MTUS1: variants seen among roughly 807,000 people sequenced by gnomAD.
The protein encoded by MTUS1 is microtubule associated scaffold protein 1.
Under a neutral mutation model 120.8 loss-of-function variants are expected in MTUS1, and 109 were observed. The observed-to-expected ratio is 0.90, with a 90% confidence interval of 0.77 to 1.06. The LOEUF (loss-of-function observed/expected upper bound fraction) is 1.06, where lower values mean the gene tolerates loss of function less well. MTUS1 is among the 50% of genes least tolerant of loss of function. MTUS1 has a pLI of 0.00. For synonymous variants in MTUS1, 737 were observed against 550.5 expected (o/e 1.34, Z -4.74); for missense variants, 2,210 against 1,486.3 (o/e 1.49, Z -8.01).
chr8:17,724,593 T>C (rs184918321), intron 3 of MTUS1, among the ~76,000 whole-genome samples: 3 of 152,278 alleles, frequency 2.0e-5, no homozygotes, highest in Admixed American at 6.5e-5. Context: ...GCAGTAAAAA[T>C]GTTTCCACTT....
rs1392917249 is a variant in MTUS1 at position 17,676,349 on chromosome 8, A to T, written c.2839-1097T>A. On this transcript the variant is annotated intron_variant, in intron 7 of 14. Coordinates refer to ENST00000693296, the MANE Select transcript of MTUS1 (RefSeq NM_001363059.2). ...GCCCATTTTCCAGCTTCTGTCTCCA[A>T]GTCCCCCCACCCCTCGCACTGTGCA... 7.1e-6 allele frequency: 5 copies of T among 702,816 alleles called. No individual in the cohort carries two copies. In the Admixed American group the frequency reaches 8.0e-5, roughly 11 times the overall value. 43.5% of individuals were successfully genotyped at this position (702,816 alleles called of 1,614,324 possible).
intron 6 of MTUS1, among the ~76,000 whole-genome samples, chr8:17,696,038 G>C (rs1817871617): frequency 6.6e-6 from 1 of 152,154 alleles, no homozygotes. Flanking sequence ...AGCTACTTTA[G>C]ATCAGACAAA....
At chr8:17,767,848 A>G (rs2106035) in intron 1 of MTUS1, among the ~76,000 whole-genome samples, 117,470 of 151,978 alleles carry the variant, frequency 0.77, 45,672 homozygotes, top group East Asian at 0.82. Flanking sequence ...GGAGTCTGCC[A>G]AAGGAGTTAT....
At chr8:17,770,206 G>A (rs117916144) in intron 1 of MTUS1, among the ~76,000 whole-genome samples, 1 of 152,090 alleles carries the variant, frequency 6.6e-6, no homozygotes, top group Admixed American at 6.6e-5. Context: ...AAGTACATAA[G>A]GGGATACTCA....
chr8:17,685,623 T>C (rs1815618526), intron 6 of MTUS1, among the ~76,000 whole-genome samples: 1 of 152,212 alleles, frequency 6.6e-6, no homozygotes, highest in Non-Finnish European at 1.5e-5. Context: ...CAGTGATTGC[T>C]TAAAGAAACA....
At chr8:17,684,072 C>G (rs975281995) in intron 7 of MTUS1, among the ~76,000 whole-genome samples, 13 of 152,188 alleles carry the variant, frequency 8.5e-5, no homozygotes, top group African/African-American at 3.1e-4. Context: ...GCGTAAGAGG[C>G]AATTATGTTT....
chr8:17,732,749 T>C (rs2046676174), intron 3 of MTUS1, among the ~76,000 whole-genome samples: 1 of 152,110 alleles, frequency 6.6e-6, no homozygotes, highest in Non-Finnish European at 1.5e-5. Context: ...ATTCTTCCAT[T>C]GCTCACACCA....
chr8:17,680,961 T>C (rs1284984950), intron 7 of MTUS1, among the ~76,000 whole-genome samples: 2 of 151,846 alleles, frequency 1.3e-5, no homozygotes, highest in African/African-American at 2.4e-5. Context: ...TAAGTTGGAA[T>C]CTCGCTCTGT....
chr8:17,742,140 G>C (rs2047361614), intron 3 of MTUS1, among the ~76,000 whole-genome samples: 1 of 152,098 alleles, frequency 6.6e-6, no homozygotes, highest in Non-Finnish European at 1.5e-5. Flanking sequence ...GCCCAGGTTG[G>C]AGTACAGTGG....
chr8:17,662,903 G>T (rs931051244), intron 8 of MTUS1, among the ~76,000 whole-genome samples: 1 of 150,976 alleles, frequency 6.6e-6, no homozygotes, highest in Non-Finnish European at 1.5e-5. Flanking sequence ...GGAAGGAGAA[G>T]AAGGAAAGGA....
intron 6 of MTUS1, among the ~76,000 whole-genome samples, chr8:17,708,397 G>A (rs1820581674): frequency 2.6e-5 from 4 of 152,224 alleles, no homozygotes; most frequent in African/African-American, 9.6e-5. Context: ...CAACAATGAG[G>A]TATCACTTCA....
intron 3 of MTUS1, among the ~76,000 whole-genome samples, chr8:17,741,159 G>C (rs2979783): frequency 1.3e-5 from 2 of 151,810 alleles, no homozygotes; most frequent in African/African-American, 4.8e-5. Context: ...GATTACAAGC[G>C]TGAGCCACCA....
At chr8:17,788,848 G>A (rs149918963) in intron 1 of MTUS1, among the ~76,000 whole-genome samples, 32 of 152,194 alleles carry the variant, frequency 2.1e-4, no homozygotes, top group African/African-American at 7.5e-4. Context: ...AAGAACAAGA[G>A]GCAAAACAGT....
At chr8:17,731,655 TAAG>T (rs1308777043) in intron 3 of MTUS1, among the ~76,000 whole-genome samples, 1 of 151,422 alleles carries the variant, frequency 6.6e-6, no homozygotes, top group Non-Finnish European at 1.5e-5. Flanking sequence ...GAAAAAAAAT[TAAG>T]AAATCACCAT....
Position 17,646,056 on chromosome 8 carries a change from T to A in MTUS1, c.3683A>T (p.Glu1228Val). Residue 1228 changes from glutamate to valine, a missense_variant, in exon 15 of 15, where the codon GAG becomes GTG. By Grantham distance (121) the Glu-to-Val change is moderately radical (BLOSUM62 -2). Coordinates refer to ENST00000693296, the MANE Select transcript of MTUS1 (RefSeq NM_001363059.2). ...KVNKRLSMEN[E>V]ELLWKLHNGD... The stretch of plus-strand genomic sequence containing the variant: ...ATTGTGCAGTTTCCACAGAAGCTCC[T>A]CGTTTTCCATAGAGAGTCGCTTGTT... 1.9e-6 allele frequency: 3 copies of A among 1,613,706 alleles called. No individual in the cohort carries two copies. Among genetic ancestry groups the A allele is most frequent in the Non-Finnish European group, 2.5e-6 (3 of 1,179,924 alleles).
chr8:17,777,224 G>A (rs2050516643), intron 1 of MTUS1, among the ~76,000 whole-genome samples: 1 of 152,030 alleles, frequency 6.6e-6, no homozygotes, highest in Admixed American at 6.5e-5. Flanking sequence ...ATCACCTGAG[G>A]TCATGAGTTC....
At chr8:17,728,721 T>C (rs2046372047) in intron 3 of MTUS1, among the ~76,000 whole-genome samples, 1 of 149,376 alleles carries the variant, frequency 6.7e-6, no homozygotes, top group Admixed American at 6.7e-5. Flanking sequence ...TGGCATTGAA[T>C]GCCAGACTCA....
In MTUS1 at chr8:17,680,399, G is replaced by C. The variant is rs566313933; in HGVS notation, c.2838+3929C>G. Among the ~76,000 whole-genome samples, 28 of 150,018 alleles carry C rather than the reference G, an allele frequency of 1.9e-4. 1 individual carries two copies. In the East Asian group the frequency reaches 2.5e-3, roughly 14 times the overall value. On this transcript the variant is annotated intron_variant, in intron 7 of 14. Coordinates refer to ENST00000693296, the MANE Select transcript of MTUS1 (RefSeq NM_001363059.2). ...GAACTGGTTGAACCCAGGTGGCGGA[G>C]GTTGCAGTGAGCTGAGATTGCGCCA...
intron 8 of MTUS1, among the ~76,000 whole-genome samples, chr8:17,660,291 T>G (rs534379398): frequency 6.6e-6 from 1 of 152,278 alleles, no homozygotes; most frequent in East Asian, 1.9e-4. Context: ...GAGAATCGCT[T>G]GAACCCAAGC....
Sources: allele counts gnomAD v4.1 joint callset (sites outside exome capture counted in the v4.1 genomes callset), GRCh38; gene constraint gnomAD v4.1.1; transcripts MANE v1.5; gene names NCBI Gene and HGNC (gene_info 2026-07-23, HGNC 2026-07-21).